HECTD4: variants seen among roughly 807,000 people sequenced by gnomAD.
HECTD4 encodes probable E3 ubiquitin-protein ligase HECTD4.
HECTD4 carries 114 observed loss-of-function variants against 471.5 expected under a neutral mutation model. The ratio of observed to expected loss-of-function variants is 0.24; its 90% CI spans 0.21 to 0.28. The LOEUF (loss-of-function observed/expected upper bound fraction) is 0.28, where lower values mean the gene tolerates loss of function less well. Among genes scored for constraint, HECTD4 ranks in the 10% least tolerant of loss-of-function variants. The pLI is 1.00. For missense variants in HECTD4, 3,866 were observed against 5,651.5 expected (o/e 0.68, Z 10.13); for synonymous variants, 2,012 against 2,256.0 (o/e 0.89, Z 3.07).
At chr12:112,221,152 T>C (rs769404878) in intron 44 of HECTD4, among the ~76,000 whole-genome samples, 2 of 152,068 alleles carry the variant, frequency 1.3e-5, no homozygotes, top group Non-Finnish European at 2.9e-5. Flanking sequence ...AGGGTCTTGC[T>C]ATGTTGCCCA....
chr12:112,367,835 A>AAAC (rs1566126631), intron 1 of HECTD4, among the ~76,000 whole-genome samples: 1 of 149,290 alleles, frequency 6.7e-6, no homozygotes, highest in East Asian at 2.0e-4. Context: ...AAAAAAAAAA[A>AAAC]AAAAAAAAAA....
intron 1 of HECTD4, among the ~76,000 whole-genome samples, chr12:112,326,710 A>T (rs968274780): frequency 7.9e-5 from 12 of 152,196 alleles, no homozygotes; most frequent in Non-Finnish European, 1.8e-4. Flanking sequence ...ATATATACAT[A>T]TAAGGACATT....
At chr12:112,273,935 T>G in intron 10 of HECTD4, 140 bp from the exon 11 acceptor site, 1 of 932,064 alleles carries the variant, frequency 1.1e-6, no homozygotes, top group Non-Finnish European at 1.5e-6. Context: ...CACAGATTTA[T>G]TTGGTAAGGC....
intron 54 of HECTD4, chr12:112,203,333 T>C (rs955650641): frequency 9.2e-6 from 2 of 218,230 alleles, no homozygotes; most frequent in Non-Finnish European, 9.0e-6. Flanking sequence ...GGAACTTGGG[T>C]AGATATAATG....
At position 112,382,077 on chromosome 12, in the gene HECTD4, C is replaced by A; in HGVS notation, c.52G>T (p.Ala18Ser). The A allele has an allele frequency of 8.1e-7, 1 of 1,228,350 alleles. No homozygotes were observed. The highest frequency in any genetic ancestry group is 4.1e-5 in the South Asian group (1 of 24,376). The allele number at this position is 1,228,350 out of a possible 1,614,324, so 76.1% of individuals were successfully genotyped here. Residue 18 changes from alanine to serine, a missense_variant, in exon 1 of 76, where the codon GCG (alanine) becomes TCG (serine). Physicochemically the swap from Ala to Ser is moderately conservative, Grantham distance 99. This residue lies in a region of HECTD4 where 440 missense variants were observed against 636.0 expected (regional missense o/e 0.69). Transcript: ENST00000682272. ...TCTTCCTTCACCGAGAGCCACTGCGCCGAGTCAGCGGCCGCCGCCGCCGCC... is the reference window on the plus strand; with the variant it reads ...TCTTCCTTCACCGAGAGCCACTGCGACGAGTCAGCGGCCGCCGCCGCCGCC... ...AAAAAAAADS[A>S]QWLSVKEETI... is the part of the protein sequence containing the mutation.
rs768394883 is a variant in HECTD4, at chr12:112,259,099, C to T, written c.3027+13G>A. Reference sequence around the variant, plus strand: ...CCAAAAAGCAGTTCACTTTGGCACACCAAGGATCATACCTGGCTGGTATAG... The same window carrying T: ...CCAAAAAGCAGTTCACTTTGGCACATCAAGGATCATACCTGGCTGGTATAG... On this transcript the variant is annotated intron_variant, in intron 19 of 75. Coordinates refer to ENST00000682272, the MANE Select transcript of HECTD4 (RefSeq NM_001388303.1). The T allele has an allele frequency of 1.3e-6, 2 of 1,594,684 alleles. No homozygotes were observed.
chr12:112,259,840 G>T (rs565028002), intron 18 of HECTD4, among the ~76,000 whole-genome samples: 44 of 152,228 alleles, frequency 2.9e-4, no homozygotes, highest in African/African-American at 1.0e-3. Flanking sequence ...GAAGTGAATG[G>T]CTACAACATT....
At chr12:112,238,281 C>T (rs1378171634) in intron 34 of HECTD4, among the ~76,000 whole-genome samples, 1 of 151,960 alleles carries the variant, frequency 6.6e-6, no homozygotes, top group Non-Finnish European at 1.5e-5. Flanking sequence ...GGCACGATCA[C>T]AGCTCACTGC....
At chr12:112,171,021 G>T in intron 68 of HECTD4, 96 bp downstream of exon 68, 1 of 1,064,314 alleles carries the variant, frequency 9.4e-7, no homozygotes. Flanking sequence ...TCTTCCTGGC[G>T]GGGCTGCCCA....
intron 55 of HECTD4, among the ~76,000 whole-genome samples, chr12:112,197,298 T>C (rs1254227051): frequency 6.6e-6 from 1 of 152,194 alleles, no homozygotes; most frequent in Non-Finnish European, 1.5e-5. Flanking sequence ...CTCTAGCCTC[T>C]GTTTTCCAAA....
chr12:112,181,741 TG>T (rs1263800244), intron 62 of HECTD4, among the ~76,000 whole-genome samples: 1 of 152,222 alleles, frequency 6.6e-6, no homozygotes, highest in Non-Finnish European at 1.5e-5. Context: ...ATTACAGGCA[TG>T]AGCCACCGTG....
chr12:112,200,478 C>T (rs928209086), intron 55 of HECTD4, among the ~76,000 whole-genome samples, 160 bp downstream of exon 55: 6 of 152,228 alleles, frequency 3.9e-5, no homozygotes, highest in Non-Finnish European at 2.9e-5. Flanking sequence ...CTTTTCTTCA[C>T]ACCTCCTGCA....
chr12:112,323,965 TCTTC>T (rs1248538588), intron 1 of HECTD4, among the ~76,000 whole-genome samples: 81 of 43,932 alleles, frequency 1.8e-3, no homozygotes, highest in Non-Finnish European at 2.5e-3. Context: ...TTTCTTTCTT[TCTTC>T]CTTCCTTCCT....
chr12:112,319,572 T>C lies in HECTD4; in HGVS notation c.348A>G (p.Glu116=). 7.0e-7 allele frequency: 1 copy of C among 1,433,944 alleles called. No individual in the cohort carries two copies. The highest frequency in any genetic ancestry group is 9.1e-7 in the Non-Finnish European group (1 of 1,099,024). 88.8% of individuals were successfully genotyped at this position (1,433,944 alleles called of 1,614,324 possible). The part of the protein sequence containing the change: ...QLALEEQHER[E]SSGDEETLAL... ...CCAAAGTTTCCTCATCACCTGAACTTTCCCTTTCATGCTGTTCTTCTAAGG... is the reference window on the plus strand; with the variant it reads ...CCAAAGTTTCCTCATCACCTGAACTCTCCCTTTCATGCTGTTCTTCTAAGG... The change falls in exon 2 of 76, where the codon GAA becomes GAG. Residue 116 remains glutamate, a synonymous_variant. Coordinates refer to ENST00000682272, the MANE Select transcript of HECTD4 (RefSeq NM_001388303.1). This position sits in a 1 kb window ranked among gnomAD's most constrained non-coding sequence, Gnocchi z 5.3.
chr12:112,198,898 T>C (rs1165031927), intron 55 of HECTD4, among the ~76,000 whole-genome samples: 2 of 152,074 alleles, frequency 1.3e-5, no homozygotes, highest in Non-Finnish European at 2.9e-5. Context: ...AGGCAAGCTG[T>C]GTCTAAATGG....
chr12:112,200,384 C>A (rs1436417959), intron 55 of HECTD4, among the ~76,000 whole-genome samples: 1 of 152,090 alleles, frequency 6.6e-6, no homozygotes, highest in Non-Finnish European at 1.5e-5. Context: ...GAACTTGTGA[C>A]CTCAAGTGAT....
intron 7 of HECTD4, among the ~76,000 whole-genome samples, chr12:112,297,750 C>G (rs1358090776): frequency 6.6e-6 from 1 of 152,072 alleles, no homozygotes; most frequent in Non-Finnish European, 1.5e-5. Context: ...TGTGCACATA[C>G]AAGCAAACAG....
intron 7 of HECTD4, among the ~76,000 whole-genome samples, chr12:112,303,637 C>T (rs1488310399): frequency 6.6e-6 from 1 of 152,040 alleles, no homozygotes; most frequent in Non-Finnish European, 1.5e-5. Flanking sequence ...ATCACTTGAG[C>T]TCAGGAGTTC....
chr12:112,360,902 T>C (rs1188675916), intron 1 of HECTD4, among the ~76,000 whole-genome samples: 6 of 151,462 alleles, frequency 4.0e-5, no homozygotes, highest in Non-Finnish European at 8.8e-5. Flanking sequence ...GAGAATCGCT[T>C]GAACCCAGGA....
Sources: allele counts gnomAD v4.1 joint callset (sites outside exome capture counted in the v4.1 genomes callset), GRCh38; gene constraint gnomAD v4.1.1; regional missense constraint gnomAD v4.1.1; non-coding constraint Gnocchi (gnomAD v3.1); transcripts MANE v1.5; gene names NCBI Gene and HGNC (gene_info 2026-07-23, HGNC 2026-07-21).